Variants in FRMD5 observed in about 807,000 individuals in gnomAD.
FRMD5 encodes FERM domain containing 5, also known as FERM domain-containing protein 5.
FRMD5 carries 20 observed loss-of-function variants against 69.0 expected under a neutral mutation model. The ratio of observed to expected loss-of-function variants is 0.29; its 90% CI spans 0.20 to 0.42. The LOEUF is 0.42. Among genes scored for constraint, FRMD5 ranks in the 10% least tolerant of loss-of-function variants. FRMD5 has a pLI of 1.00. For synonymous variants in FRMD5, 271 were observed against 260.1 expected (o/e 1.04, Z -0.40); for missense variants, 595 against 708.6 (o/e 0.84, Z 1.82).
chr15:44,005,927 A>G (rs930151872), intron 1 of FRMD5, among the ~76,000 whole-genome samples: 4 of 152,210 alleles, frequency 2.6e-5, no homozygotes, highest in Non-Finnish European at 4.4e-5. Context: ...GTAAGTGCTG[A>G]TACAGAAGCT....
intron 1 of FRMD5, among the ~76,000 whole-genome samples, chr15:44,001,615 T>C (rs1262169204): frequency 6.6e-6 from 1 of 151,596 alleles, no homozygotes; most frequent in African/African-American, 2.4e-5. Flanking sequence ...TTTATTGTTT[T>C]TTTTTTTTTT....
chr15:43,920,278 A>T (rs1003940288), intron 2 of FRMD5, among the ~76,000 whole-genome samples: 5 of 152,164 alleles, frequency 3.3e-5, no homozygotes, highest in Non-Finnish European at 5.9e-5. Context: ...AACTCTAGAA[A>T]GTAGTGAGAA....
chr15:44,166,350 T>C (rs1387980889), intron 1 of FRMD5, among the ~76,000 whole-genome samples: 1 of 152,220 alleles, frequency 6.6e-6, no homozygotes, highest in Non-Finnish European at 1.5e-5. Flanking sequence ...GCATATTGGC[T>C]GCAAATTTTT....
chr15:44,037,387 T>A (rs918188042), intron 1 of FRMD5, among the ~76,000 whole-genome samples: 1 of 152,192 alleles, frequency 6.6e-6, no homozygotes, highest in Non-Finnish European at 1.5e-5. Context: ...CAGTCTATCA[T>A]TGATGGGCAT....
Position 44,183,971 on chromosome 15 carries a change from C to T in FRMD5, c.102+10982G>A, listed in dbSNP as rs547501979. Among the ~76,000 whole-genome samples the T allele has an allele frequency of 1.0e-3, 156 of 149,356 alleles. 1 individual carries two copies. Among genetic ancestry groups the T allele is most frequent in the African/African-American group, 3.6e-3 (148 of 40,558 alleles). The stretch of plus-strand genomic sequence containing the variant: ...CAGCCTGGGCGACAGAGCAAGTCTC[C>T]GTCTCAAAAAAAAAAAAAAAGATCT... On this transcript the variant is annotated intron_variant, in intron 1 of 13. Coordinates refer to ENST00000417257, the MANE Select transcript of FRMD5 (RefSeq NM_032892.5).
chr15:44,063,782 G>T (rs1893195402), intron 1 of FRMD5: 1 of 324,216 alleles, frequency 3.1e-6, no homozygotes, highest in South Asian at 2.8e-5. Context: ...GGTGATGCTG[G>T]CACTAATTAC....
intron 1 of FRMD5, among the ~76,000 whole-genome samples, chr15:44,179,023 A>C (rs1481883427): frequency 7.9e-6 from 1 of 126,168 alleles, no homozygotes; most frequent in Admixed American, 8.1e-5. Context: ...TAAATAAATA[A>C]ATACCCAAGT....
At chr15:43,942,602 G>A (rs2089880815) in intron 1 of FRMD5, among the ~76,000 whole-genome samples, 1 of 152,160 alleles carries the variant, frequency 6.6e-6, no homozygotes, top group African/African-American at 2.4e-5. Context: ...GCTGGGATTA[G>A]TATTTAGTGA....
chr15:44,017,434 C>A (rs141463853), intron 1 of FRMD5, among the ~76,000 whole-genome samples: 5 of 151,404 alleles, frequency 3.3e-5, no homozygotes, highest in Non-Finnish European at 7.4e-5. Flanking sequence ...ATTTTGTAAA[C>A]GGTTAAGGCC....
chr15:43,914,751 G>A (rs182528379), intron 4 of FRMD5, among the ~76,000 whole-genome samples: 1,697 of 92,776 alleles, frequency 0.018, 52 homozygotes, highest in African/African-American at 0.18. Flanking sequence ...TTTTGAGATG[G>A]AGTCTTGCTC....
At chr15:44,038,840 C>T (rs1892049412) in intron 1 of FRMD5, among the ~76,000 whole-genome samples, 2 of 152,124 alleles carry the variant, frequency 1.3e-5, no homozygotes, top group African/African-American at 4.8e-5. Flanking sequence ...TTGCACTTTT[C>T]CCATGGTCTT....
intron 1 of FRMD5, among the ~76,000 whole-genome samples, chr15:44,127,862 A>G (rs2077044788): frequency 6.6e-6 from 1 of 152,118 alleles, no homozygotes; most frequent in Non-Finnish European, 1.5e-5. Flanking sequence ...ATAAAATGAG[A>G]GTCTGTCTCC....
At chr15:43,960,966 G>A (rs1365486959) in intron 1 of FRMD5, among the ~76,000 whole-genome samples, 1 of 152,000 alleles carries the variant, frequency 6.6e-6, no homozygotes. Context: ...ATCTAAAATT[G>A]ACACCCTAAC....
At chr15:43,889,492 A>T (rs894626040) in intron 8 of FRMD5, among the ~76,000 whole-genome samples, 3 of 152,144 alleles carry the variant, frequency 2.0e-5, no homozygotes, top group Non-Finnish European at 4.4e-5. Context: ...ATTGTAGAAA[A>T]ATCCTTGAAG....
intron 1 of FRMD5, among the ~76,000 whole-genome samples, chr15:44,014,200 G>A (rs1341586661): frequency 1.3e-5 from 2 of 152,088 alleles, no homozygotes; most frequent in East Asian, 3.9e-4. Flanking sequence ...CATGAGAGGG[G>A]GTCTAGGTCA....
intron 1 of FRMD5, among the ~76,000 whole-genome samples, chr15:44,119,102 T>C (rs1456637275): frequency 6.6e-6 from 1 of 152,084 alleles, no homozygotes; most frequent in Non-Finnish European, 1.5e-5. Context: ...ACTACAGGTA[T>C]GCACCACCAC....
intron 1 of FRMD5, among the ~76,000 whole-genome samples, chr15:44,187,848 C>T (rs2078128274): frequency 6.6e-6 from 1 of 152,154 alleles, no homozygotes; most frequent in Admixed American, 6.5e-5. Context: ...AGATTATAGG[C>T]ATAAACCACA....
chr15:44,053,251 A>C (rs1022163173), intron 1 of FRMD5, among the ~76,000 whole-genome samples: 5 of 152,196 alleles, frequency 3.3e-5, no homozygotes, highest in Non-Finnish European at 7.4e-5. Flanking sequence ...ATGAACATGG[A>C]AGGAAAGCAA....
chr15:43,897,551 C>A (rs1186576103), intron 7 of FRMD5, among the ~76,000 whole-genome samples: 3 of 137,076 alleles, frequency 2.2e-5, no homozygotes, highest in Non-Finnish European at 4.7e-5. Flanking sequence ...GGATGGGGTT[C>A]TTCTTTAGAG....
Sources: gnomAD v4.1 joint callset for allele counts (sites outside exome capture counted in the v4.1 genomes callset) on GRCh38, gnomAD v4.1.1 for gene constraint, MANE v1.5 for transcripts, NCBI Gene and HGNC (gene_info 2026-07-23, HGNC 2026-07-21) for gene names.